The following TBC1D4 variants were observed in gnomAD, a reference collection of about 807,000 sequenced individuals.
TBC1D4 encodes the protein TBC (Tre-2, BUB2, CDC16) domain-containing protein.
A neutral mutation model predicts 142.5 loss-of-function variants in TBC1D4; 121 were observed. The ratio of observed to expected loss-of-function variants is 0.85; its 90% CI spans 0.73 to 0.99. The LOEUF is 0.99. TBC1D4 is among the 50% of genes least tolerant of loss of function. The pLI is 0.00. For missense variants in TBC1D4, 1,475 were observed against 1,606.6 expected, an observed-to-expected ratio of 0.92 and a Z score of 1.40; for synonymous variants, 630 against 628.2, an observed-to-expected ratio of 1.00 and a Z score of -0.04.
chr13:75,401,562 C>T (rs2138352630), intron 1 of TBC1D4, among the ~76,000 whole-genome samples: 2 of 152,212 alleles, frequency 1.3e-5, no homozygotes, highest in Non-Finnish European at 2.9e-5. Context: ...GAATTATGTA[C>T]AAAATAAAAA....
At chr13:75,315,549 G>C (rs560965222) in intron 12 of TBC1D4, among the ~76,000 whole-genome samples, 1 of 151,884 alleles carries the variant, frequency 6.6e-6, no homozygotes, top group Non-Finnish European at 1.5e-5. Context: ...TACAGTTGAA[G>C]TACTCATTAT....
chr13:75,303,902 C>T (rs928814781), intron 15 of TBC1D4, among the ~76,000 whole-genome samples: 4 of 152,284 alleles, frequency 2.6e-5, no homozygotes, highest in East Asian at 1.9e-4. Flanking sequence ...TCCCATTGTA[C>T]GTCTATTCAT....
At chr13:75,371,174 T>C (rs187154029) in intron 1 of TBC1D4, among the ~76,000 whole-genome samples, 1 of 152,110 alleles carries the variant, frequency 6.6e-6, no homozygotes, top group Non-Finnish European at 1.5e-5. Context: ...CAAAAGAAAT[T>C]TCAAGAACGA....
chr13:75,451,834 G>GTA (rs1319462428), intron 1 of TBC1D4, among the ~76,000 whole-genome samples: 1 of 150,862 alleles, frequency 6.6e-6, no homozygotes, highest in East Asian at 1.9e-4. Flanking sequence ...TAACAAATGT[G>GTA]TATATATATT....
intron 11 of TBC1D4, among the ~76,000 whole-genome samples, chr13:75,320,273 T>G (rs1878643830): frequency 6.6e-6 from 1 of 152,180 alleles, no homozygotes; most frequent in South Asian, 2.1e-4. Flanking sequence ...ATTGAAAAGT[T>G]TTATCAGTGA....
intron 1 of TBC1D4, among the ~76,000 whole-genome samples, chr13:75,403,981 G>A (rs1272019093): frequency 2.0e-5 from 3 of 151,958 alleles, no homozygotes; most frequent in Non-Finnish European, 2.9e-5. Flanking sequence ...GCTAGAGAAA[G>A]TTCAAGGAAA....
chr13:75,410,090 T>C (rs1885561287), intron 1 of TBC1D4, among the ~76,000 whole-genome samples: 2 of 152,342 alleles, frequency 1.3e-5, no homozygotes, highest in Middle Eastern at 3.4e-3. Flanking sequence ...CTCAGAGTAT[T>C]GTTGTGAGGT....
chr13:75,328,658 T>C (rs1477933381), intron 8 of TBC1D4, among the ~76,000 whole-genome samples: 2 of 152,132 alleles, frequency 1.3e-5, no homozygotes, highest in African/African-American at 4.8e-5. Context: ...CTCTAGAGCA[T>C]GTGGCGAAGT....
intron 3 of TBC1D4, among the ~76,000 whole-genome samples, chr13:75,359,246 A>G (rs970888458): frequency 1.3e-5 from 2 of 152,236 alleles, no homozygotes; most frequent in Admixed American, 6.5e-5. Context: ...AATTGGCTGT[A>G]TTATTTTAAA....
chr13:75,356,048 A>C (rs1363095091), intron 4 of TBC1D4, 99 bp downstream of exon 4: 4 of 872,344 alleles, frequency 4.6e-6, no homozygotes, highest in Non-Finnish European at 7.6e-6. Context: ...TTCTTTTCCC[A>C]TAGATAGCCA....
At chr13:75,376,640 CCCAA>C (rs1883528162) in intron 1 of TBC1D4, among the ~76,000 whole-genome samples, 2 of 152,212 alleles carry the variant, frequency 1.3e-5, no homozygotes, top group African/African-American at 4.8e-5. Flanking sequence ...GCCTCAGCCT[CCCAA>C]AGTTCTGGGA....
chr13:75,306,254 A>G, intron 15 of TBC1D4, 59 bp downstream of exon 15: 2 of 1,470,574 alleles, frequency 1.4e-6, no homozygotes, highest in Non-Finnish European at 9.1e-7. Context: ...CAAACAAAAA[A>G]AAAAAATCCC....
At chr13:75,348,234 G>A (rs965173520) in intron 5 of TBC1D4, among the ~76,000 whole-genome samples, 1 of 152,120 alleles carries the variant, frequency 6.6e-6, no homozygotes, top group Non-Finnish European at 1.5e-5. Context: ...ATTCTGCCTT[G>A]TGCCTATGAT....
chr13:75,481,643 C>T lies in TBC1D4; in HGVS notation c.125G>A (p.Gly42Glu), dbSNP rs766770293. 3 of 1,605,366 alleles carry T rather than the reference C, an allele frequency of 1.9e-6. No individual in the cohort carries two copies. The highest frequency in any genetic ancestry group is 1.1e-5 in the South Asian group (1 of 90,424). Residue 42 changes from glycine to glutamate, a missense_variant, in exon 1 of 21, where the codon GGG becomes GAG. By Grantham distance (98) the Gly-to-Glu change is moderately conservative. Around this residue, in one of 2 missense-constraint regions of TBC1D4, gnomAD observed 1,227 missense variants for 1,267.7 expected, o/e 0.97. Transcript: ENST00000377636. Reference protein sequence around the residue: ...SDKRFRLWYVGGSCLDHRTTL... With the variant: ...SDKRFRLWYVEGSCLDHRTTL... ...GGTCCTGTGGTCCAGGCACGACCCC[C>T]CAACGTACCACAGCCGGAACCGCTT...
intron 1 of TBC1D4, among the ~76,000 whole-genome samples, chr13:75,480,902 C>G (rs1319675969): frequency 3.2e-5 from 4 of 125,916 alleles, no homozygotes; most frequent in Non-Finnish European, 7.1e-5. Context: ...CACACACACA[C>G]ACACGGCAAG....
At chr13:75,291,115 T>C (rs74347901) in intron 19 of TBC1D4, among the ~76,000 whole-genome samples, 6,350 of 152,244 alleles carry the variant, frequency 0.042, 354 homozygotes, top group African/African-American at 0.12. Context: ...CAGATTACTC[T>C]CAATTTGCTT....
At chr13:75,431,923 C>A (rs1378828578) in intron 1 of TBC1D4, among the ~76,000 whole-genome samples, 3 of 152,142 alleles carry the variant, frequency 2.0e-5, no homozygotes, top group African/African-American at 7.2e-5. Flanking sequence ...AGTAGTCTCA[C>A]TCCAGTCTAA....
intron 1 of TBC1D4, among the ~76,000 whole-genome samples, chr13:75,410,101 T>A (rs1885562201): frequency 6.6e-6 from 1 of 152,322 alleles, no homozygotes; most frequent in East Asian, 1.9e-4. Flanking sequence ...GTTGTGAGGT[T>A]TAAATAAGCT....
intron 1 of TBC1D4, among the ~76,000 whole-genome samples, chr13:75,443,468 G>A (rs1007250931): frequency 2.6e-5 from 4 of 152,172 alleles, no homozygotes; most frequent in Admixed American, 6.6e-5. Flanking sequence ...ATCATAACAC[G>A]TCTAGAATAT....
Sources: allele counts gnomAD v4.1 joint callset (sites outside exome capture counted in the v4.1 genomes callset), GRCh38; gene constraint gnomAD v4.1.1; regional missense constraint gnomAD v4.1.1; transcripts MANE v1.5; gene names NCBI Gene and HGNC (gene_info 2026-07-23, HGNC 2026-07-21).